SNRPN: variants seen among roughly 807,000 people sequenced by gnomAD.
The protein encoded by SNRPN is small nuclear ribonucleoprotein-associated protein N.
Under a neutral mutation model 25.2 loss-of-function variants are expected in SNRPN, and 7 were observed. The observed-to-expected ratio is 0.28, with a 90% CI of 0.16 to 0.52. The LOEUF (loss-of-function observed/expected upper bound fraction) is 0.52, where lower values mean the gene tolerates loss of function less well. Among genes scored for constraint, SNRPN ranks in the 20% least tolerant of loss-of-function variants. The pLI is 0.96. For synonymous variants in SNRPN, 124 were observed against 110.6 expected, an observed-to-expected ratio of 1.12 and a Z score of -0.76; for missense variants, 196 against 322.5, an observed-to-expected ratio of 0.61 and a Z score of 3.00.
At chr15:24,873,500 T>C (rs2055432744) in intron 1 of SNRPN, among the ~76,000 whole-genome samples, 2 of 144,818 alleles carry the variant, frequency 1.4e-5, no homozygotes, top group South Asian at 2.3e-4. Flanking sequence ...CAGGCTAGAG[T>C]GCAGTGGTGC....
At chr15:24,943,418 G>A (rs1009677341) in intron 3 of SNRPN, among the ~76,000 whole-genome samples, 3 of 152,198 alleles carry the variant, frequency 2.0e-5, no homozygotes, top group South Asian at 4.1e-4. Context: ...CCCCCCATGA[G>A]CCATAGGTGC....
chr15:24,945,720 A>G (rs1430471804), intron 3 of SNRPN, among the ~76,000 whole-genome samples: 1 of 152,166 alleles, frequency 6.6e-6, no homozygotes, highest in Non-Finnish European at 1.5e-5. Context: ...AAGAGTAGGT[A>G]CTTTCTTTTC....
chr15:24,890,047 CAAAAAAAA>C (rs538959500), intron 2 of SNRPN, among the ~76,000 whole-genome samples: 1 of 84,656 alleles, frequency 1.2e-5, no homozygotes, highest in Middle Eastern at 7.2e-3. Context: ...AACTCCATTT[CAAAAAAAA>C]AAAAAAAAAA....
intron 4 of SNRPN, 25 bp from the exon 5 acceptor site, chr15:24,975,333 A>G (rs1157615466): frequency 8.7e-6 from 14 of 1,603,672 alleles, no homozygotes; most frequent in South Asian, 1.1e-5. Flanking sequence ...CAAGCTGAAC[A>G]TGACTCTTGT....
intron 1 of SNRPN, among the ~76,000 whole-genome samples, chr15:24,827,411 G>A: frequency 6.6e-6 from 1 of 151,440 alleles, no homozygotes; most frequent in Middle Eastern, 3.4e-3. Flanking sequence ...GCATACTCAG[G>A]AGGCTGAGGC....
intron 2 of SNRPN, chr15:24,829,998 T>A (rs1251298129): frequency 1.3e-5 from 2 of 152,152 alleles, no homozygotes; most frequent in African/African-American, 2.4e-5. Context: ...TGGGTGTTGA[T>A]GAAATTATTC....
chr15:24,863,092 AGTTG>A lies in SNRPN; in HGVS notation c.-579+6378_-579+6381del, dbSNP rs1479472917. ...CATGAGATCTACTGACAAGGAAGACAGTTGGAACAAGTAAGAATAGTCCTTGTTT... is the reference window on the plus strand; with the variant it reads ...CATGAGATCTACTGACAAGGAAGACAGAACAAGTAAGAATAGTCCTTGTTT... On this transcript the variant is annotated intron_variant, in intron 1 of 11. Coordinates refer to the SNRPN transcript ENST00000400097. Among the ~76,000 whole-genome samples the A allele has an allele frequency of 1.0e-4, 15 of 150,424 alleles. 3 individuals are homozygous for A. Among genetic ancestry groups the A allele is most frequent in the African/African-American group, 3.7e-4 (15 of 40,130 alleles).
intron 3 of SNRPN, among the ~76,000 whole-genome samples, chr15:24,973,653 G>T (rs1168585937): frequency 6.6e-6 from 1 of 152,148 alleles, no homozygotes; most frequent in East Asian, 1.9e-4. Flanking sequence ...ACCTGCCTTG[G>T]CCTCCCCTGG....
At chr15:24,921,884 G>A (rs1365758910) in intron 3 of SNRPN, among the ~76,000 whole-genome samples, 1 of 151,944 alleles carries the variant, frequency 6.6e-6, no homozygotes, top group Non-Finnish European at 1.5e-5. Context: ...ATTTCCACCT[G>A]TTATATGTTA....
At chr15:24,955,546 C>G (rs575714635) in intron 1 of SNRPN, among the ~76,000 whole-genome samples, 2 of 143,468 alleles carry the variant, frequency 1.4e-5, no homozygotes, top group East Asian at 2.1e-4. Context: ...GGGTGTTGAG[C>G]GCAGGTAGGT....
chr15:24,918,523 T>C (rs1400359479), intron 2 of SNRPN, among the ~76,000 whole-genome samples: 4 of 131,136 alleles, frequency 3.1e-5, no homozygotes, highest in East Asian at 4.2e-4. Context: ...TATATATATG[T>C]GTATATATAA....
chr15:24,962,351 A>G (rs2074965231), intron 2 of SNRPN, 142 bp downstream of exon 2: 3 of 732,552 alleles, frequency 4.1e-6, no homozygotes, highest in South Asian at 1.6e-5. Flanking sequence ...TAAAAAAGCA[A>G]TGAAATTCTT....
chr15:24,955,663 T>G (rs2062722744), intron 1 of SNRPN, among the ~76,000 whole-genome samples: 1 of 75,502 alleles, frequency 1.3e-5, no homozygotes, highest in Non-Finnish European at 2.6e-5. Flanking sequence ...ACCAGGGGGA[T>G]GAGTCGGTGT....
chr15:24,961,608 T>C (rs527938459), intron 1 of SNRPN, among the ~76,000 whole-genome samples: 5 of 152,346 alleles, frequency 3.3e-5, no homozygotes, highest in African/African-American at 1.2e-4. Flanking sequence ...AGCTCTTCTA[T>C]TGCTTTGCAA....
chr15:24,885,169 G>A (rs1460705471), intron 1 of SNRPN, among the ~76,000 whole-genome samples: 4 of 151,744 alleles, frequency 2.6e-5, no homozygotes, highest in African/African-American at 9.7e-5. Flanking sequence ...ATGGGTATTG[G>A]GACATCTGGA....
At chr15:24,872,233 T>A (rs1595588127) in intron 1 of SNRPN, among the ~76,000 whole-genome samples, 1 of 116,306 alleles carries the variant, frequency 8.6e-6, no homozygotes, top group Admixed American at 9.6e-5. Context: ...AGTGGCACAA[T>A]CTCAGCTCAC....
chr15:24,959,197 G>GTCC (rs1250401249), intron 1 of SNRPN, among the ~76,000 whole-genome samples: 1 of 152,140 alleles, frequency 6.6e-6, no homozygotes, highest in African/African-American at 2.4e-5. Flanking sequence ...TTTTCATGAT[G>GTCC]TCCTCAGTTT....
At chr15:24,874,693 C>T (rs2055673560) in intron 1 of SNRPN, among the ~76,000 whole-genome samples, 1 of 150,072 alleles carries the variant, frequency 6.7e-6, no homozygotes, top group South Asian at 2.2e-4. Flanking sequence ...GATATGATCA[C>T]CATCAAAACT....
chr15:24,887,869 A>T lies in SNRPN; in HGVS notation c.-505+1280A>T, dbSNP rs7175607. Among the ~76,000 whole-genome samples, 657 of 152,002 alleles carry T rather than the reference A, an allele frequency of 4.3e-3. 5 individuals are homozygous for T. Among genetic ancestry groups the T allele is most frequent in the African/African-American group, 0.015 (630 of 41,450 alleles). On this transcript the variant is annotated intron_variant, in intron 2 of 11. Coordinates refer to the SNRPN transcript ENST00000400097. ...GGATAGGGTCTGGGAAAGAGTGAGG[A>T]TGGAGTCAGGCAGAGAGGACCCCCC...
Sources: gnomAD v4.1 joint callset for allele counts (sites outside exome capture counted in the v4.1 genomes callset) on GRCh38, gnomAD v4.1.1 for gene constraint, MANE v1.5 for transcripts, NCBI Gene and HGNC (gene_info 2026-07-23, HGNC 2026-07-21) for gene names.